The following HNRNPUL1 variants were observed in gnomAD, a reference collection of about 807,000 sequenced individuals.
The protein encoded by HNRNPUL1 is heterogeneous nuclear ribonucleoprotein U like 1.
A neutral mutation model predicts 108.5 loss-of-function variants in HNRNPUL1; 14 were observed. That is an observed-to-expected ratio of 0.13 (90% CI 0.09 to 0.20). HNRNPUL1 has a LOEUF of 0.20. Among genes scored for constraint, HNRNPUL1 ranks in the 10% least tolerant of loss-of-function variants. The probability of loss-of-function intolerance (pLI) is 1.00; values close to 1 mark genes in which losing one functional copy is unlikely to be tolerated. For missense variants in HNRNPUL1, 804 were observed against 1,168.3 expected (o/e 0.69, Z 4.55); for synonymous variants, 422 against 445.2 (o/e 0.95, Z 0.66).
intron 7 of HNRNPUL1, among the ~76,000 whole-genome samples, chr19:41,282,726 G>T (rs1186678164): frequency 3.0e-5 from 4 of 134,428 alleles, no homozygotes; most frequent in Admixed American, 8.1e-5. Context: ...GTCTCGCTCT[G>T]TCGCCCAGGC....
intron 5 of HNRNPUL1, among the ~76,000 whole-genome samples, chr19:41,277,192 A>G: frequency 6.6e-6 from 1 of 152,064 alleles, no homozygotes. Flanking sequence ...CCCTGGAGGG[A>G]ACTTCTGTGT....
chr19:41,299,012 T>C (rs1226901237), intron 10 of HNRNPUL1: 4 of 152,196 alleles, frequency 2.6e-5, no homozygotes, highest in Non-Finnish European at 4.4e-5. Context: ...AAGAAAATTA[T>C]ATTTAGCTGA....
At position 41,292,535 on chromosome 19, in the gene HNRNPUL1, G is replaced by A; in HGVS notation, c.1266+24G>A. The A allele has an allele frequency of 1.9e-6, 3 of 1,597,428 alleles. No homozygotes were observed. Among genetic ancestry groups the A allele is most frequent in the Non-Finnish European group, 2.6e-6 (3 of 1,167,274 alleles). ...AGGTGAGTGGGGCCAGAATGTATTG[G>A]TGGCCACCTTGCTGCCAAGACAGAG... On this transcript the variant is annotated intron_variant, in intron 8 of 14. Transcript: ENST00000392006. This position sits in a 1 kb window ranked among gnomAD's most constrained non-coding sequence, Gnocchi z 4.1.
At chr19:41,285,154 G>C (rs947947769) in intron 7 of HNRNPUL1, among the ~76,000 whole-genome samples, 6 of 152,144 alleles carry the variant, frequency 3.9e-5, no homozygotes, top group Admixed American at 6.6e-5. Flanking sequence ...AAGAGGTTTG[G>C]CTTAAAAATT....
chr19:41,301,195 T>G (rs914780940), intron 10 of HNRNPUL1, among the ~76,000 whole-genome samples: 2 of 152,228 alleles, frequency 1.3e-5, no homozygotes, highest in Non-Finnish European at 2.9e-5. Context: ...ACTTTATGCC[T>G]TATACTGTGA....
In HNRNPUL1 at chr19:41,302,929, G is replaced by C; in HGVS notation, c.1952G>C (p.Gly651Ala). Residue 651 changes from glycine to alanine, a missense_variant, in exon 12 of 15, where the codon GGA (glycine) becomes GCA (alanine). Gly to Ala is a moderately conservative substitution (Grantham distance 60, BLOSUM62 0). Coordinates refer to ENST00000392006, the MANE Select transcript of HNRNPUL1 (RefSeq NM_007040.6). The part of the protein sequence containing the change: ...GFQNRGGGSG[G>A]GGNYRGGFNR... ...CAGAACCGAGGGGGAGGCAGCGGTG[G>C]AGGAGGCAACTACCGAGGAGGTGAG... The C allele has an allele frequency of 6.5e-7, 1 of 1,528,364 alleles. No homozygotes were observed. 94.7% of individuals were successfully genotyped at this position (1,528,364 alleles called of 1,614,324 possible). A position where few individuals can be genotyped will look rare whatever the true frequency, so the allele number is the denominator to read the frequency against.
At position 41,306,446 on chromosome 19, in the gene HNRNPUL1, C is replaced by T. The variant is rs532555000; in HGVS notation, c.2455-3C>T. 4.1e-4 allele frequency: 639 copies of T among 1,567,420 alleles called. 7 individuals carry two copies. In the South Asian group the frequency reaches 7.1e-3, roughly 18 times the overall value. On this transcript the variant is annotated splice_polypyrimidine_tract_variant and splice_region_variant and intron_variant, in intron 14 of 14. Coordinates refer to ENST00000392006, the MANE Select transcript of HNRNPUL1 (RefSeq NM_007040.6). The stretch of plus-strand genomic sequence containing the variant: ...ACTTGGTGTTCTTGGTTTCTTTCCC[C>T]AGTATGCCCAGCAGTGGAACCAGTA...
Position 41,294,402 on chromosome 19 carries a change from C to G in HNRNPUL1, c.1331C>G (p.Ser444Cys), listed in dbSNP as rs2036767150. The change falls in exon 9 of 15, where the codon TCC (serine) becomes TGC (cysteine). Residue 444 changes from serine (S) to cysteine (C), a missense_variant. Coordinates refer to ENST00000392006, the MANE Select transcript of HNRNPUL1 (RefSeq NM_007040.6). The surrounding 1 kb of genome is among the most constrained non-coding windows in gnomAD (Gnocchi z 4.3). ...ACATGGGCCATCAAACATGCAGCCT[C>G]CAACCCTTCCAAGAAGTACAACATC... The part of the protein sequence containing the change: ...KTTWAIKHAA[S>C]NPSKKYNILG... 1 of 1,614,042 alleles carries G rather than the reference C, an allele frequency of 6.2e-7. No individual in the cohort carries two copies. The highest frequency in any genetic ancestry group is 1.7e-5 in the Admixed American group (1 of 60,000).
At chr19:41,279,957 A>T (rs2035807853) in intron 6 of HNRNPUL1, among the ~76,000 whole-genome samples, 1 of 152,232 alleles carries the variant, frequency 6.6e-6, no homozygotes, top group Non-Finnish European at 1.5e-5. Context: ...TTTTGTAAAT[A>T]ACTGCAGCTT....
chr19:41,289,307 G>T (rs2036441445), intron 7 of HNRNPUL1, among the ~76,000 whole-genome samples: 1 of 152,214 alleles, frequency 6.6e-6, no homozygotes, highest in African/African-American at 2.4e-5. Context: ...AACAAGAGGG[G>T]AGGACATTGG....
intron 7 of HNRNPUL1, among the ~76,000 whole-genome samples, chr19:41,288,267 C>T (rs562304678): frequency 6.7e-6 from 1 of 148,678 alleles, no homozygotes; most frequent in African/African-American, 2.5e-5. Context: ...TTTTTTGAGA[C>T]AGAGTTTTGC....
intron 1 of HNRNPUL1, chr19:41,265,390 G>A (rs901656827): frequency 2.3e-5 from 35 of 1,513,956 alleles, no homozygotes; most frequent in Non-Finnish European, 2.8e-5. Context: ...TCTGTGGCTG[G>A]GGAGGGTCCT....
chr19:41,266,461 C>CT lies in HNRNPUL1; in HGVS notation c.295+1671dup, dbSNP rs529328521. Among the ~76,000 whole-genome samples, 79 of 146,288 alleles carry CT rather than the reference C, an allele frequency of 5.4e-4. 2 individuals carry two copies. The South Asian group carries it at 0.011, about 20-fold the overall frequency. ...AAAAGAAAAAAGCAGCTTTCTTTCTCTTTTTTTTAAATACAGATGGGGGGT... is the reference window on the plus strand; with the variant it reads ...AAAAGAAAAAAGCAGCTTTCTTTCTCTTTTTTTTTAAATACAGATGGGGGGT... On this transcript the variant is annotated intron_variant, in intron 1 of 14. Coordinates refer to ENST00000392006, the MANE Select transcript of HNRNPUL1 (RefSeq NM_007040.6).
In HNRNPUL1 at chr19:41,264,584, C is replaced by T. The variant is rs2034689502; in HGVS notation, c.81C>T (p.Ala27=). 5 of 1,571,290 alleles carry T rather than the reference C, an allele frequency of 3.2e-6. No homozygotes were observed. The highest frequency in any genetic ancestry group is 4.3e-6 in the Non-Finnish European group (5 of 1,166,446). ...RRGLDTRGLK[A]ELAERLQAAL... The stretch of plus-strand genomic sequence containing the variant: ...GCCTGGACACTCGAGGCCTCAAGGC[C>T]GAGCTTGCTGAGCGGCTGCAGGCGG... The change falls in exon 1 of 15, where the codon GCC becomes GCT. Residue 27 remains alanine (A), a synonymous_variant. Transcript: ENST00000392006.
chr19:41,305,654 C>T (rs2037498876), intron 13 of HNRNPUL1, 22 bp from the exon 14 acceptor site: 1 of 1,613,930 alleles, frequency 6.2e-7, no homozygotes, highest in Non-Finnish European at 8.5e-7. Context: ...AGAGCTTTGG[C>T]TTTTTTCCCT....
intron 1 of HNRNPUL1, chr19:41,265,453 G>T (rs1568424946): frequency 2.2e-6 from 3 of 1,335,646 alleles, no homozygotes; most frequent in Non-Finnish European, 2.0e-6. Context: ...GGCTGCGGGA[G>T]ATTGAACTAG....
intron 1 of HNRNPUL1, among the ~76,000 whole-genome samples, chr19:41,267,346 C>T (rs1292932788): frequency 6.6e-6 from 1 of 152,130 alleles, no homozygotes; most frequent in Admixed American, 6.5e-5. Context: ...GGAAAAGAGG[C>T]TTTGTGGGAA....
At position 41,289,920 on chromosome 19, in the gene HNRNPUL1, C is replaced by A. The variant is rs183086451; in HGVS notation, c.1000-2325C>A. ...TAGAGACGGAGTTTCACCATGTTGG[C>A]CAAGATGGTCTTGATCTCTTGACCT... is the stretch of plus-strand genomic sequence containing the variant. On this transcript the variant is annotated intron_variant, in intron 7 of 14. Transcript: ENST00000392006. Among the ~76,000 whole-genome samples the A allele has an allele frequency of 1.5e-3, 232 of 152,052 alleles. 3 individuals are homozygous for A. The highest frequency in any genetic ancestry group is 3.2e-4 in the Non-Finnish European group (22 of 67,980).
At chr19:41,300,605 A>G (rs367844293) in intron 10 of HNRNPUL1, among the ~76,000 whole-genome samples, 4 of 152,184 alleles carry the variant, frequency 2.6e-5, no homozygotes, top group South Asian at 2.1e-4. Context: ...GGCTGAGTCT[A>G]TGGAACCCTG....
Sources: allele counts gnomAD v4.1 joint callset (sites outside exome capture counted in the v4.1 genomes callset), GRCh38; gene constraint gnomAD v4.1.1; non-coding constraint Gnocchi (gnomAD v3.1); transcripts MANE v1.5; gene names NCBI Gene and HGNC (gene_info 2026-07-23, HGNC 2026-07-21).